Variants in GRIK4 observed in about 807,000 individuals in gnomAD.
The protein encoded by GRIK4 is glutamate receptor ionotropic, kainate 4.
A neutral mutation model predicts 104.9 loss-of-function variants in GRIK4; 40 were observed. The ratio of observed to expected loss-of-function variants is 0.38; its 90% CI spans 0.30 to 0.50. The LOEUF is 0.50. Ranked by LOEUF, GRIK4 falls within the 20% of genes least tolerant of loss-of-function variation. GRIK4 has a pLI of 0.93. For missense variants in GRIK4, 1,047 were observed against 1,308.1 expected (o/e 0.80, Z 3.08); for synonymous variants, 485 against 524.9 (o/e 0.92, Z 1.04).
chr11:120,798,294 G>T (rs960667678), intron 3 of GRIK4, among the ~76,000 whole-genome samples: 2 of 151,122 alleles, frequency 1.3e-5, no homozygotes, highest in Non-Finnish European at 2.9e-5. Flanking sequence ...GAGTAGCTGG[G>T]ATTACAGGTG....
At chr11:120,631,910 AC>A (rs77712494) in intron 1 of GRIK4, among the ~76,000 whole-genome samples, 4,872 of 152,212 alleles carry the variant, frequency 0.032, 148 homozygotes, top group African/African-American at 0.08. Context: ...GGATGAGAAC[AC>A]CAACTTGGAG....
intron 1 of GRIK4, among the ~76,000 whole-genome samples, chr11:120,581,898 C>T (rs973173629): frequency 2.6e-5 from 4 of 151,994 alleles, no homozygotes; most frequent in Admixed American, 2.6e-4. Flanking sequence ...GCTCCACCTC[C>T]CGGGTTCACG....
At chr11:120,806,361 G>A (rs1952712744) in intron 4 of GRIK4, among the ~76,000 whole-genome samples, 1 of 152,138 alleles carries the variant, frequency 6.6e-6, no homozygotes, top group African/African-American at 2.4e-5. Flanking sequence ...GCATCTGATA[G>A]CTCTGAGCCT....
chr11:120,878,533 T>C (rs1447132816), intron 11 of GRIK4, among the ~76,000 whole-genome samples: 2 of 152,190 alleles, frequency 1.3e-5, no homozygotes, highest in Admixed American at 6.5e-5. Context: ...GAGGATGTGC[T>C]TTGACCTTCG....
chr11:120,682,987 A>G (rs182657203), intron 3 of GRIK4, among the ~76,000 whole-genome samples: 8 of 152,004 alleles, frequency 5.3e-5, no homozygotes, highest in Admixed American at 5.2e-4. Context: ...GCTCCCTGAT[A>G]CTGCTCCCCC....
At position 120,815,487 on chromosome 11, in the gene GRIK4, G is replaced by C; in HGVS notation, c.345+12G>C. On this transcript the variant is annotated intron_variant, in intron 5 of 20. Coordinates refer to ENST00000527524, the MANE Select transcript of GRIK4 (RefSeq NM_014619.5). ...GTGGAGAGAAGGAGGTGAGTGTGAG[G>C]CAGGGCTGGGGAATATCTGTGTGCT... The C allele has an allele frequency of 6.8e-7, 1 of 1,466,906 alleles. No homozygotes were observed. The highest frequency in any genetic ancestry group is 9.3e-7 in the Non-Finnish European group (1 of 1,074,920). 90.9% of individuals were successfully genotyped at this position (1,466,906 alleles called of 1,614,324 possible).
intron 8 of GRIK4, among the ~76,000 whole-genome samples, chr11:120,844,331 A>T (rs1389716164): frequency 6.6e-6 from 1 of 152,144 alleles, no homozygotes; most frequent in Non-Finnish European, 1.5e-5. Context: ...ACACTCTCCC[A>T]GCACCCTGTG....
chr11:120,815,233 G>A, intron 4 of GRIK4, 145 bp from the exon 5 acceptor site: 1 of 587,738 alleles, frequency 1.7e-6, no homozygotes, highest in Non-Finnish European at 3.0e-6. Flanking sequence ...GAGACTCTGG[G>A]TTTCGAAGGG....
intron 1 of GRIK4, among the ~76,000 whole-genome samples, chr11:120,566,438 G>A (rs1381727695): frequency 1.3e-5 from 2 of 152,184 alleles, no homozygotes; most frequent in African/African-American, 2.4e-5. Flanking sequence ...ACTATTTAAG[G>A]TGATTGCCAG....
chr11:120,856,056 C>G (rs979036514), intron 8 of GRIK4, among the ~76,000 whole-genome samples: 4 of 152,212 alleles, frequency 2.6e-5, no homozygotes, highest in African/African-American at 4.8e-5. Context: ...GTGACACCGG[C>G]AGCACGGAGG....
intron 3 of GRIK4, among the ~76,000 whole-genome samples, chr11:120,775,623 C>T (rs567531951): frequency 2.0e-5 from 3 of 152,338 alleles, no homozygotes; most frequent in East Asian, 3.9e-4. Context: ...GATGGGGCAG[C>T]GATGAGATTT....
chr11:120,645,130 AGTGT>A (rs10566673), intron 1 of GRIK4, among the ~76,000 whole-genome samples: 1 of 151,018 alleles, frequency 6.6e-6, no homozygotes, highest in African/African-American at 2.4e-5. Flanking sequence ...TATGGTGTGT[AGTGT>A]GTGTGTGTGT....
chr11:120,734,969 T>C (rs555308317), intron 3 of GRIK4, among the ~76,000 whole-genome samples: 15 of 152,358 alleles, frequency 9.8e-5, no homozygotes, highest in Admixed American at 2.6e-4. Context: ...AATTCTGAAA[T>C]CCTTTTCTCT....
chr11:120,964,643 G>T (rs1944351856), intron 18 of GRIK4, among the ~76,000 whole-genome samples: 3 of 152,194 alleles, frequency 2.0e-5, no homozygotes, highest in African/African-American at 7.2e-5. Flanking sequence ...AAACTATGGA[G>T]AGTTGGGGTA....
intron 1 of GRIK4, among the ~76,000 whole-genome samples, chr11:120,586,298 T>C (rs1948662181): frequency 6.6e-6 from 1 of 151,564 alleles, no homozygotes; most frequent in Non-Finnish European, 1.5e-5. Context: ...TATGCAAAGG[T>C]TTAGGGGCAT....
rs575030724 is a variant in GRIK4 at position 120,902,648 on chromosome 11, G to C, written c.1273-2642G>C. ...CAAGCAGGTGACGAGTCTGTCCCAG[G>C]ACCCACTCCCATTCTACCTAGAGCA... On this transcript the variant is annotated intron_variant, in intron 12 of 20. Transcript: ENST00000527524. The surrounding 1 kb of genome is among the most constrained non-coding windows in gnomAD (Gnocchi z 4.5). Among the ~76,000 whole-genome samples the C allele has an allele frequency of 7.4e-4, 113 of 152,274 alleles. 3 individuals are homozygous for C. In the South Asian group the frequency reaches 0.023, roughly 31 times the overall value.
chr11:120,550,580 A>G (rs1028835130), intron 1 of GRIK4, among the ~76,000 whole-genome samples: 1 of 152,008 alleles, frequency 6.6e-6, no homozygotes, highest in Non-Finnish European at 1.5e-5. Flanking sequence ...GGGTATGCCA[A>G]TGTTAGAGTC....
chr11:120,910,353 A>G (rs1442382728), intron 13 of GRIK4, among the ~76,000 whole-genome samples: 1 of 152,186 alleles, frequency 6.6e-6, no homozygotes, highest in Admixed American at 6.5e-5. Flanking sequence ...ATCCCATTAA[A>G]AGGGGAAGTG....
chr11:120,736,474 A>C (rs1049562813), intron 3 of GRIK4, among the ~76,000 whole-genome samples: 1 of 152,084 alleles, frequency 6.6e-6, no homozygotes, highest in Non-Finnish European at 1.5e-5. Flanking sequence ...CTCTAAGCCC[A>C]GCACAGCATC....
Sources: allele counts gnomAD v4.1 joint callset (sites outside exome capture counted in the v4.1 genomes callset), GRCh38; gene constraint gnomAD v4.1.1; non-coding constraint Gnocchi (gnomAD v3.1); transcripts MANE v1.5; gene names NCBI Gene and HGNC (gene_info 2026-07-23, HGNC 2026-07-21).